The following AMD1 variants were observed in gnomAD, a reference collection of about 807,000 sequenced individuals.
The protein encoded by AMD1 is adenosylmethionine decarboxylase 1.
AMD1 carries 11 observed loss-of-function variants against 40.2 expected under a neutral mutation model. The ratio of observed to expected loss-of-function variants is 0.27; its 90% CI spans 0.17 to 0.45. AMD1 has a LOEUF of 0.45. AMD1 is among the 20% of genes least tolerant of loss of function. The pLI, the probability that AMD1 is intolerant of heterozygous loss-of-function variation, is 1.00. For synonymous variants in AMD1, 121 were observed against 130.8 expected (o/e 0.93, Z 0.51); for missense variants, 257 against 410.2 (o/e 0.63, Z 3.23).
intron 2 of AMD1, among the ~76,000 whole-genome samples, chr6:110,887,992 T>A (rs926621780): frequency 6.6e-6 from 1 of 152,256 alleles, no homozygotes; most frequent in South Asian, 2.1e-4. Context: ...AGCCTTTTTT[T>A]TACATTATTC....
At chr6:110,820,055 A>G in the AMD1 span, among the ~76,000 whole-genome samples, 1 of 152,326 alleles carries the variant, frequency 6.6e-6, no homozygotes, top group South Asian at 2.1e-4. Flanking sequence ...TGTCTTTCCC[A>G]GAAAACTTGT....
the AMD1 span, among the ~76,000 whole-genome samples, chr6:110,853,205 C>T: frequency 5.3e-5 from 8 of 151,948 alleles, no homozygotes; most frequent in South Asian, 1.7e-3. Context: ...TCCCTGCAAC[C>T]TCCACGTCTA....
At chr6:110,869,122 C>G in the AMD1 span, among the ~76,000 whole-genome samples, 1 of 151,436 alleles carries the variant, frequency 6.6e-6, no homozygotes, top group South Asian at 2.1e-4. Context: ...TTGTTTCTTT[C>G]TTCATTACTT....
chr6:110,886,320 C>G, intron 1 of AMD1, among the ~76,000 whole-genome samples: 1 of 151,726 alleles, frequency 6.6e-6, no homozygotes, highest in Non-Finnish European at 1.5e-5. Context: ...TTTTTAAAGA[C>G]CAGGGTATTA....
the AMD1 span, among the ~76,000 whole-genome samples, chr6:110,868,410 AC>A: frequency 6.6e-6 from 1 of 151,890 alleles, no homozygotes; most frequent in Non-Finnish European, 1.5e-5. Flanking sequence ...TGGACTCCAA[AC>A]GTGCTGGGAT....
At chr6:110,886,711 C>T (rs537131201) in intron 1 of AMD1, among the ~76,000 whole-genome samples, 18 of 152,180 alleles carry the variant, frequency 1.2e-4, no homozygotes, top group African/African-American at 3.4e-4. Context: ...AGGTCAAGGC[C>T]GAAGTGAGCT....
intron 4 of AMD1, 44 bp downstream of exon 4, chr6:110,890,400 G>C (rs781708932): frequency 1.4e-6 from 2 of 1,379,768 alleles, no homozygotes; most frequent in Non-Finnish European, 2.0e-6. Context: ...CTTAAAGATA[G>C]AAAGTGCAAC....
the AMD1 span, among the ~76,000 whole-genome samples, chr6:110,861,169 T>C: frequency 0.011 from 1,723 of 152,030 alleles, 32 homozygotes; most frequent in African/African-American, 0.039. Context: ...CCATCCTGGC[T>C]AACATGGTGA....
chr6:110,858,711 C>T, the AMD1 span: 11 of 732,784 alleles, frequency 1.5e-5, no homozygotes, highest in Non-Finnish European at 2.4e-5. Context: ...GACGACGCCA[C>T]CATGAAGGCT....
At chr6:110,855,903 A>G in the AMD1 span, among the ~76,000 whole-genome samples, 1 of 152,026 alleles carries the variant, frequency 6.6e-6, no homozygotes, top group African/African-American at 2.4e-5. Context: ...CAACATAGCG[A>G]GACCCCAACT....
upstream of AMD1, among the ~76,000 whole-genome samples, chr6:110,873,962 T>C (rs1784969023): frequency 6.6e-6 from 1 of 152,214 alleles, no homozygotes; most frequent in Non-Finnish European, 1.5e-5. Flanking sequence ...ACATTCAGTT[T>C]CTAGAAGTAG....
chr6:110,847,902 G>T, the AMD1 span, among the ~76,000 whole-genome samples: 1 of 151,306 alleles, frequency 6.6e-6, no homozygotes, highest in East Asian at 2.0e-4. Flanking sequence ...TTTTAGTAGA[G>T]ACAGGGTTTC....
the AMD1 span, among the ~76,000 whole-genome samples, chr6:110,865,435 C>G: frequency 5.3e-5 from 8 of 152,158 alleles, no homozygotes; most frequent in Admixed American, 5.2e-4. Flanking sequence ...ACTCTGTCAC[C>G]CAGTCTGAAG....
chr6:110,831,417 C>A, the AMD1 span, among the ~76,000 whole-genome samples: 19 of 148,970 alleles, frequency 1.3e-4, no homozygotes, highest in Non-Finnish European at 2.5e-4. Flanking sequence ...CCAACCTGGG[C>A]GACAGTGCAA....
the AMD1 span, among the ~76,000 whole-genome samples, chr6:110,832,615 C>G: frequency 6.6e-6 from 1 of 152,170 alleles, no homozygotes; most frequent in African/African-American, 2.4e-5. Context: ...CTACTACAAA[C>G]CTATCAGCAG....
At chr6:110,880,324 T>C (rs1005086499) in intron 1 of AMD1, among the ~76,000 whole-genome samples, 2 of 152,176 alleles carry the variant, frequency 1.3e-5, no homozygotes, top group Non-Finnish European at 2.9e-5. Flanking sequence ...ATTCTGTAGG[T>C]TGTCTTTTCA....
At chr6:110,814,634 G>C in the AMD1 span, 1 of 481,268 alleles carries the variant, frequency 2.1e-6, no homozygotes, top group South Asian at 1.5e-5. Flanking sequence ...CCCAGGGCCG[G>C]AGCGGCAACT....
chr6:110,820,072 T>A, the AMD1 span, among the ~76,000 whole-genome samples: 3 of 152,104 alleles, frequency 2.0e-5, no homozygotes, highest in African/African-American at 7.2e-5. Flanking sequence ...TTGTGAATAA[T>A]CCACCCCTTG....
the AMD1 span, chr6:110,815,319 AGCCACCTCC>A: frequency 1.8e-6 from 1 of 546,028 alleles, no homozygotes. Flanking sequence ...CGGCCACAGC[AGCCACCTCC>A]TCCACCTCTT....
Sources: allele counts gnomAD v4.1 joint callset (sites outside exome capture counted in the v4.1 genomes callset), GRCh38; gene constraint gnomAD v4.1.1; transcripts MANE v1.5; gene names NCBI Gene and HGNC (gene_info 2026-07-23, HGNC 2026-07-21).